The following SLC22A5 variants were observed in gnomAD, a reference collection of about 807,000 sequenced individuals.
SLC22A5 encodes the protein organic cation/carnitine transporter 2.
SLC22A5 carries 44 observed loss-of-function variants against 56.7 expected under a neutral mutation model. That is an observed-to-expected ratio of 0.78 (90% confidence interval 0.61 to 1.00). The LOEUF is 1.00. Ranked by LOEUF, SLC22A5 falls within the 50% of genes least tolerant of loss-of-function variation. SLC22A5 has a pLI of 0.00. For synonymous variants in SLC22A5, 278 were observed against 292.1 expected (o/e 0.95, Z 0.49); for missense variants, 675 against 723.0 (o/e 0.93, Z 0.76).
chr5:132,371,486 T>A (rs1414815636), intron 1 of SLC22A5, among the ~76,000 whole-genome samples: 2 of 152,116 alleles, frequency 1.3e-5, no homozygotes, highest in Non-Finnish European at 2.9e-5. Flanking sequence ...TTGGAGCAGT[T>A]GTTGGAGCTG....
chr5:132,370,046 T>G lies in SLC22A5; in HGVS notation c.74T>G (p.Leu25Arg). 6.2e-7 allele frequency: 1 copy of G among 1,613,350 alleles called. No homozygotes were observed. Among genetic ancestry groups the G allele is most frequent in the Non-Finnish European group, 8.5e-7 (1 of 1,179,742 alleles). ...GPFQRLIFFLLSASIIPNGFT... is the reference protein window; with the variant it reads ...GPFQRLIFFLRSASIIPNGFT... ...TTCCAGCGCCTCATCTTCTTCCTGC[T>G]CAGCGCCAGCATCATCCCCAATGGC... The change falls in exon 1 of 10, where the codon CTC (leucine) becomes CGC (arginine). Residue 25 changes from leucine (L) to arginine (R), a missense_variant. By Grantham distance (102) the Leu-to-Arg change is moderately radical. Transcript: ENST00000245407.
Position 132,388,968 on chromosome 5 carries a change from T to A in SLC22A5, c.999T>A (p.Asp333Glu). Residue 333 changes from aspartate to glutamate, a missense_variant, in exon 6 of 10, where the codon GAT (aspartate) becomes GAA (glutamate). Transcript: ENST00000245407. ...AGCAGCAGTCCCACAACATTCTGGA[T>A]CTGCTTCGAACCTGGAATATCCGGA... Reference protein sequence around the residue: ...SKKQQSHNILDLLRTWNIRMV... With the variant: ...SKKQQSHNILELLRTWNIRMV... 1 of 1,614,068 alleles carries A rather than the reference T, an allele frequency of 6.2e-7. No homozygotes were observed. Among genetic ancestry groups the A allele is most frequent in the Non-Finnish European group, 8.5e-7 (1 of 1,179,912 alleles).
chr5:132,385,977 A>G (rs1729574358), intron 4 of SLC22A5, among the ~76,000 whole-genome samples: 1 of 152,258 alleles, frequency 6.6e-6, no homozygotes, highest in South Asian at 2.1e-4. Context: ...CCAAGAGGGG[A>G]ACACTGCAGA....
chr5:132,393,485 A>G (rs1359583665), intron 8 of SLC22A5, among the ~76,000 whole-genome samples, 191 bp from the exon 9 acceptor site: 1 of 152,184 alleles, frequency 6.6e-6, no homozygotes, highest in African/African-American at 2.4e-5. Context: ...GGCTCTGGGC[A>G]TGCCTGTGCC....
rs1751805896 is a variant in SLC22A5, at chr5:132,369,767, A to C, written c.-206A>C. ...GGCGCGCCTTGCGGCCCAGGCCCGC[A>C]ACCTTCCCTGGTCGTGCGCCCTATG... On this transcript the variant is annotated 5_prime_UTR_variant, in exon 1 of 10. Coordinates refer to ENST00000245407, the MANE Select transcript of SLC22A5 (RefSeq NM_003060.4). The C allele has an allele frequency of 1.7e-6, 1 of 595,930 alleles. No individual in the cohort carries two copies. Among genetic ancestry groups the C allele is most frequent in the Non-Finnish European group, 2.7e-6 (1 of 367,156 alleles). The allele number at this position is 595,930 out of a possible 1,614,324, so 36.9% of individuals were successfully genotyped here.
chr5:132,370,900 C>G (rs1233986673), intron 1 of SLC22A5, among the ~76,000 whole-genome samples: 1 of 152,006 alleles, frequency 6.6e-6, no homozygotes, highest in Non-Finnish European at 1.5e-5. Context: ...AAACGACAAT[C>G]TGGTCATGCC....
rs544332057 is a variant in SLC22A5 at position 132,370,087 on chromosome 5, T to G, written c.115T>G (p.Ser39Ala). The G allele has an allele frequency of 2.6e-5, 42 of 1,612,748 alleles. No homozygotes were observed. The Admixed American group carries it at 7.0e-4, about 27-fold the overall frequency. ...CCCCAATGGCTTCACCGGCCTGTCCTCCGTGTTCCTGATAGCGACCCCGGA... is the reference window on the plus strand; with the variant it reads ...CCCCAATGGCTTCACCGGCCTGTCCGCCGTGTTCCTGATAGCGACCCCGGA... ...IIPNGFTGLS[S>A]VFLIATPEHR... is the part of the protein sequence containing the mutation. Residue 39 changes from serine (S) to alanine (A), a missense_variant, in exon 1 of 10, where the codon TCC (serine) becomes GCC (alanine). By Grantham distance (99) the Ser-to-Ala change is moderately conservative. Coordinates refer to ENST00000245407, the MANE Select transcript of SLC22A5 (RefSeq NM_003060.4).
At chr5:132,385,205 G>A (rs562340823) in intron 3 of SLC22A5, 123 bp from the exon 4 acceptor site, 15 of 909,244 alleles carry the variant, frequency 1.6e-5, no homozygotes, top group South Asian at 2.7e-5. Context: ...GCTCCCTAGC[G>A]CCATGAACTT....
chr5:132,394,629 G>T lies in SLC22A5; in HGVS notation c.*357G>T. 1 of 292,938 alleles carries T rather than the reference G, an allele frequency of 3.4e-6. No homozygotes were observed. Among genetic ancestry groups the T allele is most frequent in the Non-Finnish European group, 6.5e-6 (1 of 154,218 alleles). 18.1% of individuals were successfully genotyped at this position (292,938 alleles called of 1,614,324 possible). ...ATTTTAATTTTAGACTACTTGAAAA[G>T]GCCCCTAATAAGGCTAGAGGTCTAA... On this transcript the variant is annotated 3_prime_UTR_variant, in exon 10 of 10. Coordinates refer to ENST00000245407, the MANE Select transcript of SLC22A5 (RefSeq NM_003060.4).
rs139867473 is a variant in SLC22A5, at chr5:132,387,789, G to T, written c.951+638G>T. The stretch of plus-strand genomic sequence containing the variant: ...ATTTCTTGGCTCTACCTAGTTCCTG[G>T]TTCTTGCTTTTCCTTCCCGTTCCCT... On this transcript the variant is annotated intron_variant, in intron 5 of 9. Transcript: ENST00000245407. 126 of 159,118 alleles carry T rather than the reference G, an allele frequency of 7.9e-4. 2 individuals are homozygous for T. In the East Asian group the frequency reaches 0.018, roughly 23 times the overall value. The allele number at this position is 159,118 out of a possible 1,614,324, so 9.9% of individuals were successfully genotyped here. A position where few individuals can be genotyped will look rare whatever the true frequency, so the allele number is the denominator to read the frequency against.
rs274555 is a variant in SLC22A5, at chr5:132,387,259, C to T, written c.951+108C>T. On this transcript the variant is annotated intron_variant, in intron 5 of 9. Coordinates refer to ENST00000245407, the MANE Select transcript of SLC22A5 (RefSeq NM_003060.4). ...GCTCACAGCAGCCCAGCCCTCTCTC[C>T]GCCCAAGCCCCAACTGCCCATTCCC... 610,993 of 1,356,124 alleles carry T rather than the reference C, an allele frequency of 0.45. 149,123 individuals are homozygous for T. Among genetic ancestry groups the T allele is most frequent in the East Asian group, 0.92 (39,879 of 43,512 alleles). 84.0% of individuals were successfully genotyped at this position (1,356,124 alleles called of 1,614,324 possible).
intron 5 of SLC22A5, among the ~76,000 whole-genome samples, chr5:132,388,417 C>G (rs1752601354): frequency 6.6e-6 from 1 of 152,178 alleles, no homozygotes; most frequent in Admixed American, 6.5e-5. Flanking sequence ...GGGTGAAGCT[C>G]AGGTCAATTT....
Position 132,394,390 on chromosome 5 carries a change from C to T in SLC22A5, c.*118C>T. 1.2e-6 allele frequency: 1 copy of T among 820,692 alleles called. No homozygotes were observed. Among genetic ancestry groups the T allele is most frequent in the Non-Finnish European group, 2.2e-6 (1 of 463,152 alleles). 50.8% of individuals were successfully genotyped at this position (820,692 alleles called of 1,614,324 possible). On this transcript the variant is annotated 3_prime_UTR_variant, in exon 10 of 10. Coordinates refer to ENST00000245407, the MANE Select transcript of SLC22A5 (RefSeq NM_003060.4). ...GGCCTTTGCTGTTTGTCCTCTTGACCTGTGTCTGACTTGCTCCTGGATGGG... is the reference window on the plus strand; with the variant it reads ...GGCCTTTGCTGTTTGTCCTCTTGACTTGTGTCTGACTTGCTCCTGGATGGG...
intron 3 of SLC22A5, 67 bp from the exon 4 acceptor site, chr5:132,385,261 C>A: frequency 1.5e-6 from 2 of 1,349,154 alleles, no homozygotes; most frequent in Non-Finnish European, 2.1e-6. Context: ...CACAAAGATA[C>A]CATAAAAAAT....
rs77123396 is a variant in SLC22A5, at chr5:132,378,806, G to A, written c.497+325G>A. The A allele has an allele frequency of 0.016, 6,195 of 385,800 alleles. 159 individuals carry two copies. The highest frequency in any genetic ancestry group is 0.077 in the African/African-American group (3,727 of 48,240). 23.9% of individuals were successfully genotyped at this position (385,800 alleles called of 1,614,324 possible). ...CACTGTGACTCTGTCATGCCCCTGAGCATGGGAGAGGTTGACATCATGCAC... is the reference window on the plus strand; with the variant it reads ...CACTGTGACTCTGTCATGCCCCTGAACATGGGAGAGGTTGACATCATGCAC... On this transcript the variant is annotated intron_variant, in intron 2 of 9. Transcript: ENST00000245407.
chr5:132,385,188 G>C, intron 3 of SLC22A5, 140 bp from the exon 4 acceptor site: 1 of 795,366 alleles, frequency 1.3e-6, no homozygotes, highest in Middle Eastern at 3.5e-4. Context: ...GGTTCAGAAC[G>C]CCATCCGCTC....
chr5:132,383,707 C>G (rs1043944773), intron 2 of SLC22A5: 1 of 231,938 alleles, frequency 4.3e-6, no homozygotes, highest in Non-Finnish European at 8.7e-6. Context: ...TACCTCTTAT[C>G]TATTATTGGT....
Position 132,394,225 on chromosome 5 carries a change from A to C in SLC22A5, c.1627A>C (p.Lys543Gln). The C allele has an allele frequency of 6.2e-7, 1 of 1,613,972 alleles. No individual in the cohort carries two copies. The change falls in exon 10 of 10, where the codon AAA becomes CAA. Residue 543 changes from lysine (K) to glutamine (Q), a missense_variant. Lys to Gln is a moderately conservative substitution (Grantham distance 53, BLOSUM62 1). Transcript: ENST00000245407. ...RKTPSHTRML[K>Q]DGQERPTILK... The stretch of plus-strand genomic sequence containing the variant: ...AACTCCAAGTCACACAAGGATGTTA[A>C]AAGATGGTCAAGAAAGGCCCACAAT...
intron 1 of SLC22A5, among the ~76,000 whole-genome samples, chr5:132,372,779 G>A (rs1554086320): frequency 2.0e-5 from 3 of 152,186 alleles, no homozygotes; most frequent in Non-Finnish European, 2.9e-5. Context: ...GGAAGTTGCT[G>A]CATCAACATT....
Sources: gnomAD v4.1 joint callset for allele counts (sites outside exome capture counted in the v4.1 genomes callset) on GRCh38, gnomAD v4.1.1 for gene constraint, MANE v1.5 for transcripts, NCBI Gene and HGNC (gene_info 2026-07-23, HGNC 2026-07-21) for gene names.